PIKFYVE: variants seen among roughly 807,000 people sequenced by gnomAD.
PIKFYVE encodes the protein 1-phosphatidylinositol 3-phosphate 5-kinase.
In PIKFYVE, 122 loss-of-function variants were observed where a neutral mutation model predicts 257.9. That is an observed-to-expected ratio of 0.47 (90% confidence interval 0.41 to 0.55). PIKFYVE has a LOEUF of 0.55. Among genes scored for constraint, PIKFYVE ranks in the 20% least tolerant of loss-of-function variants. The pLI, the probability that PIKFYVE is intolerant of heterozygous loss-of-function variation, is 0.00. For missense variants in PIKFYVE, 2,160 were observed against 2,536.6 expected, an observed-to-expected ratio of 0.85 and a Z score of 3.19; for synonymous variants, 892 against 868.9, an observed-to-expected ratio of 1.03 and a Z score of -0.47.
chr2:208,321,601 A>C (rs1574619325), intron 17 of PIKFYVE, among the ~76,000 whole-genome samples: 1 of 134,906 alleles, frequency 7.4e-6, no homozygotes. Flanking sequence ...TTTTGAGACG[A>C]AGTCTCGCTC....
chr2:208,326,423 A>G lies in PIKFYVE; in HGVS notation c.3612A>G (p.Ser1204=). 1.9e-6 allele frequency: 3 copies of G among 1,614,020 alleles called. No individual in the cohort carries two copies. Among genetic ancestry groups the G allele is most frequent in the Non-Finnish European group, 2.5e-6 (3 of 1,179,924 alleles). Residue 1204 remains serine, a synonymous_variant, in exon 20 of 42, where the codon TCA becomes TCG. Transcript: ENST00000264380. ...RGLILSDAVW[S]TKVDCLNPIN... is the part of the protein sequence containing the mutation. ...TTATTCTGAGTGATGCTGTGTGGTC[A>G]ACAAAGGTGAGCCAGACCACTTTCT...
chr2:208,272,532 T>C (rs1261875514), intron 2 of PIKFYVE, among the ~76,000 whole-genome samples: 2 of 152,202 alleles, frequency 1.3e-5, no homozygotes, highest in African/African-American at 2.4e-5. Flanking sequence ...TGGAAAGATA[T>C]TTTTAAAATG....
chr2:208,330,738 T>G, intron 23 of PIKFYVE, 44 bp downstream of exon 23: 1 of 1,554,836 alleles, frequency 6.4e-7, no homozygotes, highest in Non-Finnish European at 8.7e-7. Flanking sequence ...ATTTATTTCT[T>G]TATTTGTATG....
chr2:208,326,373 A>C lies in PIKFYVE; in HGVS notation c.3562A>C (p.Asn1188His). ...STSSGQSGSK[N>H]EGDEERGLIL... ...TTCAAGTGGCCAATCAGGAAGCAAA[A>C]ATGAGGGTGATGAAGAGAGAGGGCT... Residue 1188 changes from asparagine (N) to histidine (H), a missense_variant, in exon 20 of 42, where the codon AAT becomes CAT. By Grantham distance (68) the Asn-to-His change is moderately conservative (BLOSUM62 1). Transcript: ENST00000264380. 1 of 1,614,006 alleles carries C rather than the reference A, an allele frequency of 6.2e-7. No individual in the cohort carries two copies. The highest frequency in any genetic ancestry group is 1.1e-5 in the South Asian group (1 of 91,050).
intron 26 of PIKFYVE, 33 bp downstream of exon 26, chr2:208,335,934 T>G (rs1269328161): frequency 1.3e-6 from 2 of 1,583,298 alleles, no homozygotes; most frequent in Non-Finnish European, 1.7e-6. Flanking sequence ...AATTCAAAAG[T>G]TAATTATTGA....
At chr2:208,323,055 A>G (rs1411421333) in intron 17 of PIKFYVE, among the ~76,000 whole-genome samples, 1 of 151,234 alleles carries the variant, frequency 6.6e-6, no homozygotes, top group Non-Finnish European at 1.5e-5. Flanking sequence ...AGAGTATTCC[A>G]TGGTGTGTAT....
chr2:208,284,141 A>G (rs879676384), intron 5 of PIKFYVE, among the ~76,000 whole-genome samples: 2 of 152,184 alleles, frequency 1.3e-5, no homozygotes, highest in Non-Finnish European at 2.9e-5. Context: ...ACTCAAAACA[A>G]TGTTATAGAA....
In PIKFYVE at chr2:208,333,306, G is replaced by C; in HGVS notation, c.3964-9G>C. 6.2e-7 allele frequency: 1 copy of C among 1,612,188 alleles called. No individual in the cohort carries two copies. The highest frequency in any genetic ancestry group is 2.2e-5 in the East Asian group (1 of 44,860). ...TGTGATTAGGTAAACTATTTTTGCTGAATTCCAGGTAACACCAGTTGTTGC... is the reference window on the plus strand; with the variant it reads ...TGTGATTAGGTAAACTATTTTTGCTCAATTCCAGGTAACACCAGTTGTTGC... On this transcript the variant is annotated splice_polypyrimidine_tract_variant and intron_variant, in intron 23 of 41. Coordinates refer to ENST00000264380, the MANE Select transcript of PIKFYVE (RefSeq NM_015040.4).
Position 208,353,916 on chromosome 2 carries a change from T to C in PIKFYVE, c.5863T>C (p.Ser1955Pro). Residue 1955 changes from serine (S) to proline (P), a missense_variant, in exon 40 of 42, where the codon TCT (serine) becomes CCT (proline). By Grantham distance (74) the Ser-to-Pro change is moderately conservative. Coordinates refer to ENST00000264380, the MANE Select transcript of PIKFYVE (RefSeq NM_015040.4). The part of the protein sequence containing the change: ...KMAQVFDLKG[S>P]LRNRNVKTDT... Reference sequence around the variant, plus strand: ...TTACTAGGTTTTTGATTTGAAGGGCTCTCTTAGGAATCGGAATGTAAAAAC... The same window carrying C: ...TTACTAGGTTTTTGATTTGAAGGGCCCTCTTAGGAATCGGAATGTAAAAAC... 1 of 1,613,848 alleles carries C rather than the reference T, an allele frequency of 6.2e-7. No homozygotes were observed. The highest frequency in any genetic ancestry group is 8.5e-7 in the Non-Finnish European group (1 of 1,179,886).
chr2:208,345,935 G>A (rs1251802863), intron 33 of PIKFYVE, 115 bp from the exon 34 acceptor site: 1 of 714,564 alleles, frequency 1.4e-6, no homozygotes, highest in African/African-American at 1.8e-5. Flanking sequence ...TGATATTGTA[G>A]GTGGGCTTAG....
At chr2:208,322,374 T>TAAAA (rs11471825) in intron 17 of PIKFYVE, among the ~76,000 whole-genome samples, 24 of 97,782 alleles carry the variant, frequency 2.5e-4, no homozygotes, top group African/African-American at 8.8e-4. Flanking sequence ...CCCTGTCTCT[T>TAAAA]AAAAAAAAAA....
At chr2:208,346,689 A>G (rs1325789749) in intron 34 of PIKFYVE, among the ~76,000 whole-genome samples, 1 of 152,252 alleles carries the variant, frequency 6.6e-6, no homozygotes, top group Non-Finnish European at 1.5e-5. Context: ...TTCAGCTACA[A>G]GTAACACAAA....
chr2:208,321,520 A>T (rs1159494006), intron 17 of PIKFYVE, among the ~76,000 whole-genome samples: 1 of 152,022 alleles, frequency 6.6e-6, no homozygotes, highest in Admixed American at 6.6e-5. Context: ...ACATTTTAGT[A>T]GAGAACTCTA....
chr2:208,317,985 T>C, intron 16 of PIKFYVE, 44 bp downstream of exon 16: 1 of 1,566,870 alleles, frequency 6.4e-7, no homozygotes, highest in Non-Finnish European at 8.8e-7. Context: ...AAACCATGGC[T>C]GTGTGCTTAG....
At chr2:208,331,781 A>C (rs1382039172) in intron 23 of PIKFYVE, among the ~76,000 whole-genome samples, 2 of 152,206 alleles carry the variant, frequency 1.3e-5, no homozygotes, top group Non-Finnish European at 2.9e-5. Context: ...GGCAAAATCA[A>C]AGTTGCACCT....
intron 7 of PIKFYVE, among the ~76,000 whole-genome samples, chr2:208,296,243 G>A (rs1692969211): frequency 6.6e-6 from 1 of 152,138 alleles, no homozygotes; most frequent in Admixed American, 6.5e-5. Flanking sequence ...GACCTCAGGT[G>A]ATCCACCTGC....
chr2:208,340,380 CTTGT>C (rs778189204), intron 31 of PIKFYVE, among the ~76,000 whole-genome samples: 22 of 152,246 alleles, frequency 1.4e-4, no homozygotes, highest in African/African-American at 3.1e-4. Context: ...TCTGGAAACA[CTTGT>C]TTGTTTATCT....
chr2:208,274,088 G>A, intron 3 of PIKFYVE: 1 of 1,598,798 alleles, frequency 6.3e-7, no homozygotes, highest in Non-Finnish European at 8.6e-7. Flanking sequence ...TTCTGCATCT[G>A]TTCTTGGGGT....
At chr2:208,333,241 A>G in intron 23 of PIKFYVE, 74 bp from the exon 24 acceptor site, 3 of 1,528,270 alleles carry the variant, frequency 2.0e-6, no homozygotes, top group Non-Finnish European at 2.7e-6. Context: ...CTCAAAAAAA[A>G]AAAAGAAAAT....
Sources: allele counts gnomAD v4.1 joint callset (sites outside exome capture counted in the v4.1 genomes callset), GRCh38; gene constraint gnomAD v4.1.1; transcripts MANE v1.5; gene names NCBI Gene and HGNC (gene_info 2026-07-23, HGNC 2026-07-21).